VWC2: variants seen among roughly 807,000 people sequenced by gnomAD.
VWC2 encodes the protein brorin.
VWC2 carries 14 observed loss-of-function variants against 29.8 expected under a neutral mutation model. The observed-to-expected ratio is 0.47, with a 90% confidence interval of 0.31 to 0.74. VWC2 has a LOEUF of 0.74. Among genes scored for constraint, VWC2 ranks in the 30% least tolerant of loss-of-function variants. The pLI, the probability that VWC2 is intolerant of heterozygous loss-of-function variation, is 0.05. For missense variants in VWC2, 457 were observed against 459.8 expected (o/e 0.99, Z 0.05); for synonymous variants, 213 against 199.0 (o/e 1.07, Z -0.59).
At chr7:49,831,546 G>A (rs1337387727) in intron 3 of VWC2, among the ~76,000 whole-genome samples, 1 of 152,156 alleles carries the variant, frequency 6.6e-6, no homozygotes, top group Non-Finnish European at 1.5e-5. Context: ...TATACAGGTG[G>A]CAGATTTTTG....
At chr7:49,896,906 T>G (rs1030420240) in intron 3 of VWC2, among the ~76,000 whole-genome samples, 1 of 67,370 alleles carries the variant, frequency 1.5e-5, no homozygotes, top group African/African-American at 6.1e-5. Context: ...TTTTTTTTTT[T>G]GAGACGGAGT....
At chr7:49,783,536 C>A (rs147569907) in intron 2 of VWC2, among the ~76,000 whole-genome samples, 26 of 152,280 alleles carry the variant, frequency 1.7e-4, no homozygotes, top group Non-Finnish European at 3.2e-4. Flanking sequence ...ACTTTTCTGA[C>A]CACGTAGCTG....
In VWC2 at chr7:49,775,475, A is replaced by G. The variant is rs1051740739; in HGVS notation, c.40A>G (p.Ser14Gly). 3 of 1,422,040 alleles carry G rather than the reference A, an allele frequency of 2.1e-6. No individual in the cohort carries two copies. Among genetic ancestry groups the G allele is most frequent in the Non-Finnish European group, 2.8e-6 (3 of 1,077,112 alleles). 88.1% of individuals were successfully genotyped at this position (1,422,040 alleles called of 1,614,324 possible). ...STAMAVGALS[S>G]SLLVTCCLMV... ...TGCGATGGCAGTTGGCGCGCTCTCCAGTTCCCTCCTGGTCACCTGCTGCCT... is the reference window on the plus strand; with the variant it reads ...TGCGATGGCAGTTGGCGCGCTCTCCGGTTCCCTCCTGGTCACCTGCTGCCT... Residue 14 changes from serine (S) to glycine (G), a missense_variant, in exon 2 of 4, where the codon AGT becomes GGT. By Grantham distance (56) the Ser-to-Gly change is moderately conservative (BLOSUM62 0). This residue lies in a region of VWC2 where 272 missense variants were observed against 202.7 expected (regional missense o/e 1.34). Transcript: ENST00000340652.
chr7:49,835,947 A>C (rs1047242697), intron 3 of VWC2, among the ~76,000 whole-genome samples: 2 of 152,236 alleles, frequency 1.3e-5, no homozygotes, highest in African/African-American at 4.8e-5. Context: ...AAAAACAAAC[A>C]ATGATAAATT....
At chr7:49,907,555 G>A (rs187673687) in intron 3 of VWC2, among the ~76,000 whole-genome samples, 1 of 152,304 alleles carries the variant, frequency 6.6e-6, no homozygotes, top group East Asian at 1.9e-4. Flanking sequence ...TTTATTCTGA[G>A]CCAAATATGA....
In VWC2 at chr7:49,775,402, CCCCGCCCG is replaced by C; in HGVS notation, c.-23_-16del. 7 of 743,140 alleles carry C rather than the reference CCCCGCCCG, an allele frequency of 9.4e-6. No individual in the cohort carries two copies. The highest frequency in any genetic ancestry group is 1.3e-5 in the Non-Finnish European group (7 of 535,906). 46.0% of individuals were successfully genotyped at this position (743,140 alleles called of 1,614,324 possible). A position where few individuals can be genotyped will look rare whatever the true frequency, so the allele number is the denominator to read the frequency against. On this transcript the variant is annotated 5_prime_UTR_variant, in exon 2 of 4. It removes the in-frame stop codon of an upstream open reading frame in the 5' UTR. Coordinates refer to ENST00000340652, the MANE Select transcript of VWC2 (RefSeq NM_198570.5). ...ATGCGACTCGCCCCTCGGCCGCGCT[CCCCGCCCG>C]CCCGCCCGCCGGGACGTGGTAGGGG... is the stretch of plus-strand genomic sequence containing the variant.
At chr7:49,902,488 G>GT (rs1273210359) in intron 3 of VWC2, among the ~76,000 whole-genome samples, 1 of 148,182 alleles carries the variant, frequency 6.7e-6, no homozygotes, top group Non-Finnish European at 1.5e-5. Flanking sequence ...TGAAAGGGTA[G>GT]TTTTTTGTTT....
At chr7:49,910,532 T>G (rs1170670761) in intron 3 of VWC2, among the ~76,000 whole-genome samples, 2 of 152,072 alleles carry the variant, frequency 1.3e-5, no homozygotes, top group Admixed American at 1.3e-4. Flanking sequence ...GAGGGAGGTA[T>G]AGAGGTAGAG....
chr7:49,837,683 A>G (rs1268866953), intron 3 of VWC2, among the ~76,000 whole-genome samples: 1 of 152,164 alleles, frequency 6.6e-6, no homozygotes, highest in Non-Finnish European at 1.5e-5. Flanking sequence ...GATAAATTGA[A>G]TGGCAAGGTT....
intron 3 of VWC2, among the ~76,000 whole-genome samples, chr7:49,812,577 A>T (rs1011743899): frequency 5.3e-5 from 8 of 152,218 alleles, no homozygotes; most frequent in African/African-American, 1.9e-4. Context: ...TAAACTTAAG[A>T]GTTTATTTGA....
At chr7:49,782,229 C>T (rs375628360) in intron 2 of VWC2, among the ~76,000 whole-genome samples, 4 of 152,148 alleles carry the variant, frequency 2.6e-5, no homozygotes, top group Non-Finnish European at 5.9e-5. Context: ...CCACACCCCC[C>T]TTGCAGATGT....
chr7:49,857,437 G>A (rs1790472279), intron 3 of VWC2, among the ~76,000 whole-genome samples: 1 of 152,110 alleles, frequency 6.6e-6, no homozygotes, highest in African/African-American at 2.4e-5. Flanking sequence ...TCTGTCCAGG[G>A]GCACTTGAGT....
In VWC2 at chr7:49,917,570, C is replaced by G. The variant is rs1374258980; in HGVS notation, c.*5385C>G. ...TTATCAAAAGCAATCAAAGTATGTA[C>G]CTAAAGTCAATTTAGTATATTATGA... On this transcript the variant is annotated 3_prime_UTR_variant, in exon 4 of 4. Transcript: ENST00000340652. 1 of 152,036 alleles carries G rather than the reference C, an allele frequency of 6.6e-6. No individual in the cohort carries two copies. The highest frequency in any genetic ancestry group is 1.9e-4 in the East Asian group (1 of 5,198). The allele number at this position is 152,036 out of a possible 1,614,324, so 9.4% of individuals were successfully genotyped here.
rs1371424352 is a variant in VWC2 at position 49,910,529 on chromosome 7, G to T, written c.827-1505G>T. Among the ~76,000 whole-genome samples the T allele has an allele frequency of 2.0e-5, 3 of 152,148 alleles. No individual in the cohort carries two copies. The East Asian group carries it at 5.8e-4, about 29-fold the overall frequency. ...ACCAGTGTTTGAATTTTGGAGGGAG[G>T]TATAGAGGTAGAGCAGTTGCTCATA... On this transcript the variant is annotated intron_variant, in intron 3 of 3. Coordinates refer to ENST00000340652, the MANE Select transcript of VWC2 (RefSeq NM_198570.5).
chr7:49,856,116 C>A (rs1445126356), intron 3 of VWC2, among the ~76,000 whole-genome samples: 1 of 152,180 alleles, frequency 6.6e-6, no homozygotes, highest in Admixed American at 6.5e-5. Context: ...TGCATAAGAC[C>A]ATACACGTAA....
intron 3 of VWC2, among the ~76,000 whole-genome samples, chr7:49,907,382 C>T (rs146395402): frequency 2.0e-5 from 3 of 152,124 alleles, no homozygotes; most frequent in African/African-American, 7.2e-5. Flanking sequence ...AATATGCTGG[C>T]TCTAAGAAGT....
rs528031427 is a variant in VWC2 at position 49,912,682 on chromosome 7, A to C, written c.*497A>C. 6.5e-6 allele frequency: 1 copy of C among 152,846 alleles called. No homozygotes were observed. The highest frequency in any genetic ancestry group is 2.1e-4 in the South Asian group (1 of 4,832). The allele number at this position is 152,846 out of a possible 1,614,324, so 9.5% of individuals were successfully genotyped here. ...CAATTTCCACTGAAACCCTGTTTAA[A>C]TTCTATTTAATTACAGACATATCTC... On this transcript the variant is annotated 3_prime_UTR_variant, in exon 4 of 4. Coordinates refer to ENST00000340652, the MANE Select transcript of VWC2 (RefSeq NM_198570.5).
chr7:49,794,814 C>A (rs1484127306), intron 2 of VWC2, among the ~76,000 whole-genome samples: 1 of 152,178 alleles, frequency 6.6e-6, no homozygotes, highest in Non-Finnish European at 1.5e-5. Context: ...TCCTCATCCT[C>A]TTGTCTATGT....
At position 49,912,178 on chromosome 7, in the gene VWC2, A is replaced by C. The variant is rs1793491957; in HGVS notation, c.971A>C (p.Gln324Pro). 6.2e-7 allele frequency: 1 copy of C among 1,613,716 alleles called. No individual in the cohort carries two copies. The highest frequency in any genetic ancestry group is 8.5e-7 in the Non-Finnish European group (1 of 1,179,850). Reference sequence around the variant, plus strand: ...ATGTGCACGAGACATGAATGCAGGCAAATGTAGACGCTTCCCAGAACACAA... The same window carrying C: ...ATGTGCACGAGACATGAATGCAGGCCAATGTAGACGCTTCCCAGAACACAA... ...QAMCTRHECR[Q>P]M The change falls in exon 4 of 4, where the codon CAA (glutamine) becomes CCA (proline). Residue 324 changes from glutamine (Q) to proline (P), a missense_variant. By Grantham distance (76) the Gln-to-Pro change is moderately conservative. Around this residue, in one of 2 missense-constraint regions of VWC2, gnomAD observed 185 missense variants for 257.1 expected, o/e 0.72. Coordinates refer to ENST00000340652, the MANE Select transcript of VWC2 (RefSeq NM_198570.5).
Sources: gnomAD v4.1 joint callset for allele counts (sites outside exome capture counted in the v4.1 genomes callset) on GRCh38, gnomAD v4.1.1 for gene constraint, gnomAD v4.1.1 regional missense constraint, MANE v1.5 for transcripts, NCBI Gene and HGNC (gene_info 2026-07-23, HGNC 2026-07-21) for gene names.